RASA3: variants seen among roughly 807,000 people sequenced by gnomAD.
The protein encoded by RASA3 is ras GTPase-activating protein 3.
A neutral mutation model predicts 110.0 loss-of-function variants in RASA3; 73 were observed. That is an observed-to-expected ratio of 0.66 (90% CI 0.55 to 0.81). The LOEUF (loss-of-function observed/expected upper bound fraction) is 0.81, where lower values mean the gene tolerates loss of function less well. Among genes scored for constraint, RASA3 ranks in the 30% least tolerant of loss-of-function variants. The pLI is 0.00. For missense variants in RASA3, 976 were observed against 1,113.2 expected, an observed-to-expected ratio of 0.88 and a Z score of 1.75; for synonymous variants, 500 against 451.4, an observed-to-expected ratio of 1.11 and a Z score of -1.37.
chr13:114,010,428 G>A (rs897056185), intron 16 of RASA3, among the ~76,000 whole-genome samples: 7 of 151,916 alleles, frequency 4.6e-5, no homozygotes, highest in African/African-American at 7.3e-5. Context: ...CGCCTCAAAC[G>A]TCAGCTCTGA....
chr13:114,027,896 T>C lies in RASA3; in HGVS notation c.481A>G (p.Asn161Asp). 1 of 1,613,698 alleles carries C rather than the reference T, an allele frequency of 6.2e-7. No individual in the cohort carries two copies. Among genetic ancestry groups the C allele is most frequent in the African/African-American group, 1.3e-5 (1 of 74,982 alleles). The part of the protein sequence containing the change: ...IVECQGLPIV[N>D]GQCDPYATVT... ...GTGGCGTAGGGGTCACATTGCCCAT[T>C]CACGATGGGGAGGCCCTGGCACTCG... Residue 161 changes from asparagine to aspartate, a missense_variant, in exon 6 of 24, where the codon AAT (asparagine) becomes GAT (aspartate). By Grantham distance (23) the Asn-to-Asp change is conservative (BLOSUM62 1). Coordinates refer to ENST00000334062, the MANE Select transcript of RASA3 (RefSeq NM_007368.4).
rs182829130 is a variant in RASA3, at chr13:114,108,385, G to A, written c.55+24050C>T. 3.4e-3 allele frequency among the ~76,000 whole-genome samples: 36 copies of A among 10,588 alleles called. No individual in the cohort carries two copies. The East Asian group carries it at 0.047, about 14-fold the overall frequency. The allele number at this position is 10,588 out of a possible 152,430, so 6.9% of individuals were successfully genotyped here. A position where few individuals can be genotyped will look rare whatever the true frequency, so the allele number is the denominator to read the frequency against. ...CACCCCGCGTCCATCACCCCCATCC[G>A]TCACCCCATGTCCGTCACCCCATCC... On this transcript the variant is annotated intron_variant, in intron 1 of 23. Coordinates refer to ENST00000334062, the MANE Select transcript of RASA3 (RefSeq NM_007368.4).
chr13:114,121,912 G>A (rs1224691388), intron 1 of RASA3, among the ~76,000 whole-genome samples: 1 of 152,228 alleles, frequency 6.6e-6, no homozygotes, highest in Admixed American at 6.5e-5. Context: ...CAGGTTTGTG[G>A]GCCGAGTGCA....
At chr13:114,018,981 A>G (rs965828745) in intron 9 of RASA3, 62 bp from the exon 10 acceptor site, 1 of 1,595,194 alleles carries the variant, frequency 6.3e-7, no homozygotes, top group Non-Finnish European at 8.6e-7. Flanking sequence ...AGCAGCTCTC[A>G]GGGAAGCCCA....
At chr13:114,040,901 G>A (rs1594371742) in intron 4 of RASA3, 99 bp downstream of exon 4, 1 of 1,148,524 alleles carries the variant, frequency 8.7e-7, no homozygotes, top group East Asian at 2.3e-5. Context: ...CAAGGCCGAA[G>A]CCCGATCTAC....
At chr13:114,019,727 T>C (rs1255649531) in intron 9 of RASA3, among the ~76,000 whole-genome samples, 1 of 148,150 alleles carries the variant, frequency 6.7e-6, no homozygotes, top group Non-Finnish European at 1.5e-5. Flanking sequence ...GGGTGGAGCC[T>C]GTGTCTGAGA....
chr13:114,045,896 AAC>A (rs1347669928), intron 3 of RASA3, among the ~76,000 whole-genome samples: 1 of 150,926 alleles, frequency 6.6e-6, no homozygotes, highest in Non-Finnish European at 1.5e-5. Flanking sequence ...GTAGGCTGAA[AAC>A]ACATCACAAA....
At chr13:114,045,281 G>T (rs117623665) in intron 3 of RASA3, among the ~76,000 whole-genome samples, 1 of 152,176 alleles carries the variant, frequency 6.6e-6, no homozygotes, top group Non-Finnish European at 1.5e-5. Context: ...AAAGTTTACC[G>T]AACACTCTGG....
chr13:113,994,118 TAGAA>T (rs1250186104), intron 21 of RASA3, among the ~76,000 whole-genome samples: 1 of 152,248 alleles, frequency 6.6e-6, no homozygotes, highest in Non-Finnish European at 1.5e-5. Context: ...CCATACTGAT[TAGAA>T]ATTGTTTCCA....
At chr13:114,036,995 C>T (rs1305687775) in intron 4 of RASA3, among the ~76,000 whole-genome samples, 4 of 152,192 alleles carry the variant, frequency 2.6e-5, no homozygotes, top group African/African-American at 7.2e-5. Context: ...CCCTTTTAGA[C>T]AACAGCTCGC....
chr13:114,060,214 G>A (rs117579653), intron 2 of RASA3, among the ~76,000 whole-genome samples: 2,213 of 152,346 alleles, frequency 0.015, 136 homozygotes, highest in Admixed American at 0.1. Context: ...CGGCAGGACC[G>A]GAGCATGCTG....
At chr13:114,026,458 T>G (rs1331357950) in intron 7 of RASA3, among the ~76,000 whole-genome samples, 1 of 152,186 alleles carries the variant, frequency 6.6e-6, no homozygotes, top group African/African-American at 2.4e-5. Flanking sequence ...AAAGCCCTCC[T>G]CACAGTGGCC....
intron 21 of RASA3, among the ~76,000 whole-genome samples, chr13:113,995,686 C>G (rs1191972135): frequency 1.1e-5 from 1 of 87,736 alleles, no homozygotes; most frequent in Non-Finnish European, 2.3e-5. Flanking sequence ...TGATGGGGGC[C>G]CGGCTGATGG....
intron 23 of RASA3, among the ~76,000 whole-genome samples, chr13:113,979,856 T>C (rs891441833): frequency 6.6e-6 from 1 of 151,792 alleles, no homozygotes; most frequent in Non-Finnish European, 1.5e-5. Context: ...CCTCATACCA[T>C]GTGTGTGCAC....
chr13:114,062,710 G>A (rs570854779), intron 2 of RASA3, among the ~76,000 whole-genome samples: 2 of 152,256 alleles, frequency 1.3e-5, no homozygotes, highest in African/African-American at 4.8e-5. Flanking sequence ...CACAGCCCAC[G>A]TTCGCACGCA....
intron 3 of RASA3, among the ~76,000 whole-genome samples, chr13:114,041,615 C>T (rs1389819621): frequency 6.6e-6 from 1 of 152,256 alleles, no homozygotes; most frequent in Non-Finnish European, 1.5e-5. Context: ...GCAGCAGCAT[C>T]ACGCCACAAG....
chr13:113,981,995 A>C (rs2052947672), intron 22 of RASA3, 137 bp from the exon 23 acceptor site: 1 of 737,608 alleles, frequency 1.4e-6, no homozygotes, highest in Non-Finnish European at 2.1e-6. Context: ...GCTGACCACC[A>C]CTCGTAAACG....
At chr13:114,118,765 G>T (rs2080328345) in intron 1 of RASA3, among the ~76,000 whole-genome samples, 1 of 152,264 alleles carries the variant, frequency 6.6e-6, no homozygotes, top group Non-Finnish European at 1.5e-5. Context: ...GACCAGGCTA[G>T]CCCACTGCCT....
intron 4 of RASA3, among the ~76,000 whole-genome samples, chr13:114,034,699 T>G (rs2054247135): frequency 1.3e-5 from 2 of 152,358 alleles, no homozygotes. Flanking sequence ...ATCCCAGACA[T>G]TTAGAGGTTA....
Sources: gnomAD v4.1 joint callset for allele counts (sites outside exome capture counted in the v4.1 genomes callset) on GRCh38, gnomAD v4.1.1 for gene constraint, MANE v1.5 for transcripts, NCBI Gene and HGNC (gene_info 2026-07-23, HGNC 2026-07-21) for gene names.